SPEN: variants seen among roughly 807,000 people sequenced by gnomAD.
SPEN encodes the protein spen family transcriptional repressor.
In SPEN, 18 loss-of-function variants were observed where a neutral mutation model predicts 269.9. That is an observed-to-expected ratio of 0.07 (90% confidence interval 0.05 to 0.10). SPEN has a LOEUF of 0.10. Ranked by LOEUF, SPEN falls within the 10% of genes least tolerant of loss-of-function variation. The pLI, the probability that SPEN is intolerant of heterozygous loss-of-function variation, is 1.00. For synonymous variants in SPEN, 1,726 were observed against 1,765.7 expected (o/e 0.98, Z 0.56); for missense variants, 3,822 against 4,631.2 (o/e 0.83, Z 5.07).
intron 1 of SPEN, among the ~76,000 whole-genome samples, chr1:15,860,381 GT>G (rs1198820177): frequency 5.2e-5 from 5 of 96,720 alleles, no homozygotes; most frequent in Non-Finnish European, 9.9e-5. Flanking sequence ...CTTCAGAGGT[GT>G]GTGTGTGTGT....
Position 15,928,785 on chromosome 1 carries a change from G to C in SPEN, c.2545G>C (p.Glu849Gln). ...DQENEREQSP[E>Q]KPRSCNKLSR... ...AGAAAATGAGCGAGAGCAAAGCCCT[G>C]AAAAGCCCAGGAGTTGTAATAAACT... is the stretch of plus-strand genomic sequence containing the variant. Residue 849 changes from glutamate to glutamine, a missense_variant, in exon 11 of 15, where the codon GAA (glutamate) becomes CAA (glutamine). Around this residue, in one of 16 missense-constraint regions of SPEN, gnomAD observed 572 missense variants for 582.6 expected, o/e 0.98. Coordinates refer to ENST00000375759, the MANE Select transcript of SPEN (RefSeq NM_015001.3). This position sits in a 1 kb window ranked among gnomAD's most constrained non-coding sequence, Gnocchi z 5.7. 6.2e-7 allele frequency: 1 copy of C among 1,614,122 alleles called. No homozygotes were observed. Among genetic ancestry groups the C allele is most frequent in the Middle Eastern group, 1.6e-4 (1 of 6,062 alleles).
chr1:15,934,965 T>C lies in SPEN; in HGVS notation c.8725T>C (p.Leu2909=). The change falls in exon 11 of 15, where the codon TTG becomes CTG. Residue 2909 remains leucine (L), a synonymous_variant. Coordinates refer to ENST00000375759, the MANE Select transcript of SPEN (RefSeq NM_015001.3). The surrounding 1 kb of genome is among the most constrained non-coding windows in gnomAD (Gnocchi z 9.2). ...GTCTGTGAAGGCCGATAGGCCATCC[T>C]TGGAGAAGCCCGAGCCCATTCACCT... ...ISSVKADRPS[L]EKPEPIHLSV... is the part of the protein sequence containing the mutation. The C allele has an allele frequency of 6.2e-7, 1 of 1,613,910 alleles. No homozygotes were observed. Among genetic ancestry groups the C allele is most frequent in the Non-Finnish European group, 8.5e-7 (1 of 1,179,994 alleles).
chr1:15,859,942 T>C (rs10803403), intron 1 of SPEN, among the ~76,000 whole-genome samples: 114,550 of 128,634 alleles, frequency 0.89, 51,416 homozygotes, highest in African/African-American at 0.96. Flanking sequence ...GACGGAGTCT[T>C]GCTCTGTCAC....
chr1:15,854,939 A>G (rs1334069641), intron 1 of SPEN, among the ~76,000 whole-genome samples: 1 of 152,200 alleles, frequency 6.6e-6, no homozygotes, highest in Non-Finnish European at 1.5e-5. Context: ...GAAGATTACA[A>G]GCATCTAAAA....
chr1:15,928,444 A>G lies in SPEN; in HGVS notation c.2204A>G (p.Gln735Arg), dbSNP rs774041258. 1.1e-5 allele frequency: 17 copies of G among 1,614,172 alleles called. No homozygotes were observed. The highest frequency in any genetic ancestry group is 1.3e-5 in the Non-Finnish European group (15 of 1,180,024). The change falls in exon 11 of 15, where the codon CAG (glutamine) becomes CGG (arginine). Residue 735 changes from glutamine (Q) to arginine (R), a missense_variant. Physicochemically the swap from Gln to Arg is conservative, Grantham distance 43 (BLOSUM62 1). Transcript: ENST00000375759. This position sits in a 1 kb window ranked among gnomAD's most constrained non-coding sequence, Gnocchi z 5.7. ...AGTCCTGTTCACTTGCGACGTCCAC[A>G]GAGTCCTGGAGCGTCTCCCTCTCAG... The part of the protein sequence containing the change: ...SQSPVHLRRP[Q>R]SPGASPSQAE...
intron 1 of SPEN, among the ~76,000 whole-genome samples, chr1:15,854,148 G>A (rs1206116216): frequency 2.0e-5 from 3 of 152,066 alleles, no homozygotes; most frequent in African/African-American, 7.2e-5. Context: ...TTGAGCTGTA[G>A]TTAACCATCC....
intron 3 of SPEN, among the ~76,000 whole-genome samples, chr1:15,887,848 C>T (rs1309847252): frequency 6.6e-6 from 1 of 150,706 alleles, no homozygotes; most frequent in African/African-American, 2.4e-5. Flanking sequence ...ATGGTGAAAC[C>T]AGTCTCTACG....
chr1:15,936,284 C>CT lies in SPEN; in HGVS notation c.10026+19dup, dbSNP rs779597203. On this transcript the variant is annotated intron_variant, in intron 11 of 14. Coordinates refer to ENST00000375759, the MANE Select transcript of SPEN (RefSeq NM_015001.3). Reference sequence around the variant, plus strand: ...CTGCTCAGGTGAGCCAGCCAGGTATCTCCCCACTGTCTGTTGGGCATGTGC... The same window carrying CT: ...CTGCTCAGGTGAGCCAGCCAGGTATCTTCCCCACTGTCTGTTGGGCATGTGC... 1.3e-6 allele frequency: 2 copies of CT among 1,526,262 alleles called. No homozygotes were observed. Among genetic ancestry groups the CT allele is most frequent in the South Asian group, 2.6e-5 (2 of 78,162 alleles). 94.5% of individuals were successfully genotyped at this position (1,526,262 alleles called of 1,614,324 possible).
chr1:15,924,643 G>A (rs1441562526), intron 10 of SPEN, among the ~76,000 whole-genome samples: 1 of 151,914 alleles, frequency 6.6e-6, no homozygotes, highest in African/African-American at 2.4e-5. Flanking sequence ...CATTTTTAGT[G>A]GAGACAGGGT....
chr1:15,932,567 A>G lies in SPEN; in HGVS notation c.6327A>G (p.Ala2109=), dbSNP rs776792112. 2 of 1,601,318 alleles carry G rather than the reference A, an allele frequency of 1.2e-6. No individual in the cohort carries two copies. The highest frequency in any genetic ancestry group is 2.2e-5 in the East Asian group (1 of 44,684). ...AVSPRGAAAQ[A]GERESGVVAV... is the part of the protein sequence containing the mutation. ...GTCCCAGGGGGGCTGCAGCACAGGC[A>G]GGGGAGAGGGAATCTGGGGTGGTGG... Residue 2109 remains alanine (A), a synonymous_variant, in exon 11 of 15, where the codon GCA becomes GCG. Transcript: ENST00000375759. The surrounding 1 kb of genome is among the most constrained non-coding windows in gnomAD (Gnocchi z 4.2).
At chr1:15,854,568 A>C (rs1226024969) in intron 1 of SPEN, among the ~76,000 whole-genome samples, 1 of 151,672 alleles carries the variant, frequency 6.6e-6, no homozygotes, top group Non-Finnish European at 1.5e-5. Context: ...GCTCACCGCG[A>C]CCTCTGCCTC....
intron 3 of SPEN, among the ~76,000 whole-genome samples, chr1:15,901,928 GTTTT>G (rs35730805): frequency 2.0e-5 from 2 of 100,262 alleles, no homozygotes; most frequent in African/African-American, 8.4e-5. Flanking sequence ...TATTTATTTA[GTTTT>G]TTTTTTTTTT....
chr1:15,928,852 G>A lies in SPEN; in HGVS notation c.2612G>A (p.Arg871His), dbSNP rs747275202. Residue 871 changes from arginine to histidine, a missense_variant, in exon 11 of 15, where the codon CGC becomes CAC. By Grantham distance (29) the Arg-to-His change is conservative. Coordinates refer to ENST00000375759, the MANE Select transcript of SPEN (RefSeq NM_015001.3). This position sits in a 1 kb window ranked among gnomAD's most constrained non-coding sequence, Gnocchi z 5.7. The stretch of plus-strand genomic sequence containing the variant: ...GACAAAGAGGGAATAGCGAAAAACC[G>A]CCTGGAACTCATGCCTTGCGTGGTT... ...KADKEGIAKNRLELMPCVVLT... is the reference protein window; with the variant it reads ...KADKEGIAKNHLELMPCVVLT... 8 of 1,614,092 alleles carry A rather than the reference G, an allele frequency of 5.0e-6. No homozygotes were observed. The highest frequency in any genetic ancestry group is 4.4e-5 in the South Asian group (4 of 91,080).
At chr1:15,854,457 T>C (rs1387531221) in intron 1 of SPEN, among the ~76,000 whole-genome samples, 1 of 152,166 alleles carries the variant, frequency 6.6e-6, no homozygotes, top group Non-Finnish European at 1.5e-5. Context: ...CCAATTAGAA[T>C]GTTAATCATT....
Position 15,931,448 on chromosome 1 carries a change from A to G in SPEN, c.5208A>G (p.Pro1736=). ...CGCCTTATCTGGATGCCAAGCCTCC[A>G]ACTCCCGGGGCCTCGTTTTCCCAGG... ...DQPPYLDAKP[P]TPGASFSQAE... is the part of the protein sequence containing the mutation. Residue 1736 remains proline (P), a synonymous_variant, in exon 11 of 15, where the codon CCA becomes CCG. Transcript: ENST00000375759. The surrounding 1 kb of genome is among the most constrained non-coding windows in gnomAD (Gnocchi z 4.8). 6.2e-7 allele frequency: 1 copy of G among 1,614,162 alleles called. No individual in the cohort carries two copies. Among genetic ancestry groups the G allele is most frequent in the Non-Finnish European group, 8.5e-7 (1 of 1,180,026 alleles).
chr1:15,895,149 C>T (rs1468032979), intron 3 of SPEN, among the ~76,000 whole-genome samples: 6 of 151,700 alleles, frequency 4.0e-5, no homozygotes, highest in African/African-American at 1.5e-4. Flanking sequence ...CTCGAGCTCC[C>T]GACCTCAGGT....
chr1:15,893,855 A>G (rs753133321), intron 3 of SPEN, among the ~76,000 whole-genome samples: 7 of 152,178 alleles, frequency 4.6e-5, no homozygotes, highest in Non-Finnish European at 8.8e-5. Context: ...CTTGGTCAAC[A>G]TGGCAAAACC....
At chr1:15,849,005 C>T (rs1243367868) in intron 1 of SPEN, among the ~76,000 whole-genome samples, 5 of 152,146 alleles carry the variant, frequency 3.3e-5, no homozygotes, top group Admixed American at 3.3e-4. Context: ...AAAACCTCCC[C>T]TGAATATTTT....
intron 3 of SPEN, among the ~76,000 whole-genome samples, chr1:15,894,296 G>C (rs1415393275): frequency 6.6e-6 from 1 of 152,106 alleles, no homozygotes; most frequent in African/African-American, 2.4e-5. Flanking sequence ...ACGTTGGAAG[G>C]ATTTCTTGTT....
Sources: allele counts gnomAD v4.1 joint callset (sites outside exome capture counted in the v4.1 genomes callset), GRCh38; gene constraint gnomAD v4.1.1; regional missense constraint gnomAD v4.1.1; non-coding constraint Gnocchi (gnomAD v3.1); transcripts MANE v1.5; gene names NCBI Gene and HGNC (gene_info 2026-07-23, HGNC 2026-07-21).